The following SLC1A3 variants were observed in gnomAD, a reference collection of about 807,000 sequenced individuals.
The protein encoded by SLC1A3 is solute carrier family 1 member 3, also known as excitatory amino acid transporter 1.
SLC1A3 carries 21 observed loss-of-function variants against 48.1 expected under a neutral mutation model. That is an observed-to-expected ratio of 0.44 (90% CI 0.31 to 0.63). The LOEUF (loss-of-function observed/expected upper bound fraction) is 0.63. Ranked by LOEUF, SLC1A3 falls within the 20% of genes least tolerant of loss-of-function variation. SLC1A3 has a pLI of 0.08. For missense variants in SLC1A3, 546 were observed against 689.0 expected (o/e 0.79, Z 2.32); for synonymous variants, 239 against 251.4 (o/e 0.95, Z 0.47).
intron 2 of SLC1A3, among the ~76,000 whole-genome samples, chr5:36,623,404 G>T (rs1739764239): frequency 6.6e-6 from 1 of 152,144 alleles, no homozygotes; most frequent in Non-Finnish European, 1.5e-5. Context: ...TGCTATTTTT[G>T]CAGAGTAATC....
chr5:36,622,873 G>A (rs1360763219), intron 2 of SLC1A3, among the ~76,000 whole-genome samples: 1 of 151,770 alleles, frequency 6.6e-6, no homozygotes, highest in Non-Finnish European at 1.5e-5. Context: ...TTAGCCGGGT[G>A]TGGTGGCAGG....
At chr5:36,597,997 C>A (rs535981370) in intron 1 of SLC1A3, among the ~76,000 whole-genome samples, 2 of 152,304 alleles carry the variant, frequency 1.3e-5, no homozygotes, top group African/African-American at 4.8e-5. Flanking sequence ...TCGAGGACTG[C>A]CACGATTTTG....
intron 2 of SLC1A3, among the ~76,000 whole-genome samples, chr5:36,618,099 A>T (rs1410394712): frequency 6.6e-6 from 1 of 152,206 alleles, no homozygotes; most frequent in East Asian, 1.9e-4. Context: ...GAAACTAAGG[A>T]AATCAGTGCA....
At chr5:36,617,371 A>C (rs1739477258) in intron 2 of SLC1A3, among the ~76,000 whole-genome samples, 1 of 151,702 alleles carries the variant, frequency 6.6e-6, no homozygotes, top group African/African-American at 2.4e-5. Flanking sequence ...TGCAGAAAAG[A>C]ATCCAATAAG....
intron 3 of SLC1A3, among the ~76,000 whole-genome samples, chr5:36,670,634 T>TTTA (rs1741949715): frequency 6.6e-6 from 1 of 152,116 alleles, no homozygotes. Flanking sequence ...AGAAAAATGT[T>TTTA]TTAAGTATTT....
rs764799721 is a variant in SLC1A3 at position 36,671,083 on chromosome 5, T to C, written c.374T>C (p.Val125Ala). 12 of 1,614,040 alleles carry C rather than the reference T, an allele frequency of 7.4e-6. No homozygotes were observed. Among genetic ancestry groups the C allele is most frequent in the Non-Finnish European group, 1.0e-5 (12 of 1,179,906 alleles). Reference sequence around the variant, plus strand: ...GGGAAGATGGGAATGCGAGCTGTAGTCTATTATATGACTACCACCATCATT... The same window carrying C: ...GGGAAGATGGGAATGCGAGCTGTAGCCTATTATATGACTACCACCATCATT... ...ASGKMGMRAV[V>A]YYMTTTIIAV... The change falls in exon 4 of 10, where the codon GTC (valine) becomes GCC (alanine). Residue 125 changes from valine (V) to alanine (A), a missense_variant. Coordinates refer to ENST00000265113, the MANE Select transcript of SLC1A3 (RefSeq NM_004172.5).
At chr5:36,602,039 G>T (rs71617761), upstream of SLC1A3, among the ~76,000 whole-genome samples, 4,846 of 152,266 alleles carry the variant, frequency 0.032, 101 homozygotes, top group Non-Finnish European at 0.052. Context: ...AATGACTCTG[G>T]AGATTTAAAC....
intron 3 of SLC1A3, among the ~76,000 whole-genome samples, chr5:36,634,393 A>C (rs1740256430): frequency 6.6e-6 from 1 of 152,202 alleles, no homozygotes; most frequent in Non-Finnish European, 1.5e-5. Flanking sequence ...TGTAATCCAA[A>C]GAATCAAAAG....
At chr5:36,657,788 G>T (rs1741340933) in intron 3 of SLC1A3, among the ~76,000 whole-genome samples, 1 of 152,206 alleles carries the variant, frequency 6.6e-6, no homozygotes, top group African/African-American at 2.4e-5. Flanking sequence ...GTGACTAAAG[G>T]CTTAATGTGA....
chr5:36,604,099 A>C (rs2562580), upstream of SLC1A3, among the ~76,000 whole-genome samples: 39,256 of 152,084 alleles, frequency 0.26, 7,270 homozygotes, highest in African/African-American at 0.52. Context: ...TTTTTCCCAA[A>C]GAAAGAATTT....
rs1399956436 is a variant in SLC1A3 at position 36,686,891 on chromosome 5, G to C, written c.*622G>C. 6 of 159,040 alleles carry C rather than the reference G, an allele frequency of 3.8e-5. No individual in the cohort carries two copies. The highest frequency in any genetic ancestry group is 1.4e-4 in the African/African-American group (6 of 41,450). The allele number at this position is 159,040 out of a possible 1,614,324, so 9.9% of individuals were successfully genotyped here. ...TCAGTGTCCTCATCTATAAAATGAG[G>C]GACTTCCCTAGAAGTCTTCATGGTC... On this transcript the variant is annotated 3_prime_UTR_variant, in exon 10 of 10. Transcript: ENST00000265113.
At chr5:36,672,536 T>C (rs1302156674) in intron 4 of SLC1A3, among the ~76,000 whole-genome samples, 6 of 152,196 alleles carry the variant, frequency 3.9e-5, no homozygotes, top group Admixed American at 2.6e-4. Flanking sequence ...TAGATACCTG[T>C]CTAAAGGGCC....
intron 5 of SLC1A3, among the ~76,000 whole-genome samples, chr5:36,674,606 C>A (rs78813041): frequency 0.016 from 2,409 of 152,082 alleles, 18 homozygotes; most frequent in Non-Finnish European, 0.024. Context: ...ATATGCCAAG[C>A]ACTAACATTA....
chr5:36,667,139 T>C (rs1024932170), intron 3 of SLC1A3, among the ~76,000 whole-genome samples: 2 of 152,194 alleles, frequency 1.3e-5, no homozygotes, highest in East Asian at 1.9e-4. Flanking sequence ...AAGACTCAAG[T>C]GCTCACAGCA....
rs763798684 is a variant in SLC1A3, at chr5:36,683,971, C to G, written c.1397C>G (p.Thr466Arg). 5.0e-6 allele frequency: 8 copies of G among 1,614,224 alleles called. No homozygotes were observed. The highest frequency in any genetic ancestry group is 6.8e-6 in the Non-Finnish European group (8 of 1,180,038). The change falls in exon 9 of 10, where the codon ACG becomes AGG. Residue 466 changes from threonine (T) to arginine (R), a missense_variant. Physicochemically the swap from Thr to Arg is moderately conservative, Grantham distance 71. This residue lies in a region of SLC1A3 where 142 missense variants were observed against 238.0 expected (regional missense o/e 0.60). Coordinates refer to ENST00000265113, the MANE Select transcript of SLC1A3 (RefSeq NM_004172.5). ...GTCGGCCTGCCCACTGACGACATCA[C>G]GCTCATCATCGCGGTGGACTGGTTC... ...TSVGLPTDDI[T>R]LIIAVDWFLD... is the part of the protein sequence containing the mutation.
intron 9 of SLC1A3, among the ~76,000 whole-genome samples, chr5:36,685,334 T>C (rs10428554): frequency 0.018 from 2,796 of 152,304 alleles, 90 homozygotes; most frequent in African/African-American, 0.064. Flanking sequence ...TAGAGTGCAA[T>C]GGCACAGTCT....
chr5:36,637,769 A>G (rs934441528), intron 3 of SLC1A3, among the ~76,000 whole-genome samples: 1 of 152,136 alleles, frequency 6.6e-6, no homozygotes, highest in Non-Finnish European at 1.5e-5. Flanking sequence ...GAAGTGAGAC[A>G]CTGTCTTAGG....
chr5:36,601,389 C>T (rs887740138), intron 1 of SLC1A3, among the ~76,000 whole-genome samples: 2 of 152,066 alleles, frequency 1.3e-5, no homozygotes, highest in Non-Finnish European at 2.9e-5. Flanking sequence ...ATGGCAAGCC[C>T]GTTATTGGCA....
intron 3 of SLC1A3, among the ~76,000 whole-genome samples, chr5:36,642,814 A>G (rs1258295703): frequency 6.6e-6 from 1 of 152,216 alleles, no homozygotes; most frequent in Non-Finnish European, 1.5e-5. Context: ...ATCATTCAAT[A>G]TATGGTCCTT....
Sources: gnomAD v4.1 joint callset for allele counts (sites outside exome capture counted in the v4.1 genomes callset) on GRCh38, gnomAD v4.1.1 for gene constraint, gnomAD v4.1.1 regional missense constraint, MANE v1.5 for transcripts, NCBI Gene and HGNC (gene_info 2026-07-23, HGNC 2026-07-21) for gene names.